Variants in FAM13A observed in about 807,000 individuals in gnomAD.
FAM13A encodes family with sequence similarity 13 member A, also known as protein FAM13A.
Under a neutral mutation model 129.6 loss-of-function variants are expected in FAM13A, and 76 were observed. The observed-to-expected ratio is 0.59, with a 90% CI of 0.49 to 0.71. The LOEUF is 0.71. Among genes scored for constraint, FAM13A ranks in the 30% least tolerant of loss-of-function variants. The pLI is 0.00. For missense variants in FAM13A, 1,108 were observed against 1,249.3 expected, an observed-to-expected ratio of 0.89 and a Z score of 1.70; for synonymous variants, 443 against 449.9, an observed-to-expected ratio of 0.98 and a Z score of 0.20.
chr4:89,006,436 T>C (rs1765017249), intron 3 of FAM13A, among the ~76,000 whole-genome samples: 1 of 152,218 alleles, frequency 6.6e-6, no homozygotes, highest in South Asian at 2.1e-4. Flanking sequence ...AAGAATTCCC[T>C]GCGCCCCACT....
At chr4:88,839,750 T>C (rs1735486015) in intron 7 of FAM13A, among the ~76,000 whole-genome samples, 1 of 152,200 alleles carries the variant, frequency 6.6e-6, no homozygotes, top group Admixed American at 6.5e-5. Flanking sequence ...ACAGAGCCCA[T>C]ACTCAGAAGG....
At chr4:88,743,671 G>A (rs1014044681) in intron 19 of FAM13A, among the ~76,000 whole-genome samples, 10 of 152,088 alleles carry the variant, frequency 6.6e-5, no homozygotes, top group African/African-American at 1.9e-4. Flanking sequence ...TCAATATAGC[G>A]CAGTCAATAT....
In FAM13A at chr4:88,750,573, C is replaced by T. The variant is rs374244188; in HGVS notation, c.1791G>A (p.Ser597=). ...ENSDSDEAHL[S]PQAGRLIRQL... is the part of the protein sequence containing the mutation. ...GACGGATCAGGCGCCCAGCCTGCGGCGAGAGGTGGGCTTCATCAGAGTCAC... is the reference window on the plus strand; with the variant it reads ...GACGGATCAGGCGCCCAGCCTGCGGTGAGAGGTGGGCTTCATCAGAGTCAC... Residue 597 remains serine (S), a synonymous_variant, in exon 15 of 24, where the codon TCG becomes TCA. Transcript: ENST00000264344. 7.2e-5 allele frequency: 116 copies of T among 1,613,954 alleles called. No individual in the cohort carries two copies. The highest frequency in any genetic ancestry group is 9.4e-5 in the Non-Finnish European group (111 of 1,180,028).
intron 13 of FAM13A, among the ~76,000 whole-genome samples, chr4:88,759,995 C>T (rs575284931): frequency 7.9e-5 from 12 of 152,224 alleles, no homozygotes; most frequent in South Asian, 4.1e-4. Context: ...GATGGGTACA[C>T]AAGATTTTCT....
intron 6 of FAM13A, among the ~76,000 whole-genome samples, chr4:88,872,926 T>G (rs1244505963): frequency 6.6e-6 from 1 of 152,068 alleles, no homozygotes; most frequent in Non-Finnish European, 1.5e-5. Context: ...TAACAGAAAT[T>G]ATAACAAACT....
chr4:88,729,518 G>C (rs562714677), intron 23 of FAM13A: 11 of 152,172 alleles, frequency 7.2e-5, no homozygotes, highest in Non-Finnish European at 1.5e-4. Flanking sequence ...AAAATAAACT[G>C]ATCTTATTCA....
intron 6 of FAM13A, among the ~76,000 whole-genome samples, chr4:88,886,907 C>A (rs1272540733): frequency 6.9e-5 from 10 of 145,192 alleles, no homozygotes; most frequent in East Asian, 4.0e-4. Flanking sequence ...AACTCTATCT[C>A]AAAAAAAAAA....
intron 4 of FAM13A, among the ~76,000 whole-genome samples, chr4:88,975,644 G>C (rs1760796246): frequency 6.6e-6 from 1 of 152,132 alleles, no homozygotes; most frequent in Non-Finnish European, 1.5e-5. Context: ...TGGAAAATGA[G>C]AAACAAAGAA....
chr4:88,982,710 T>C (rs1761791532), intron 4 of FAM13A, among the ~76,000 whole-genome samples: 1 of 152,222 alleles, frequency 6.6e-6, no homozygotes, highest in South Asian at 2.1e-4. Context: ...AGAGGACTTT[T>C]GCCTTAGAAA....
chr4:89,026,680 C>A (rs567602994), intron 2 of FAM13A, among the ~76,000 whole-genome samples: 2 of 152,310 alleles, frequency 1.3e-5, no homozygotes, highest in South Asian at 4.1e-4. Context: ...CTTGAGAACT[C>A]ATTCACTATC....
intron 3 of FAM13A, among the ~76,000 whole-genome samples, chr4:88,994,219 T>C (rs1337886789): frequency 6.6e-6 from 1 of 152,178 alleles, no homozygotes; most frequent in African/African-American, 2.4e-5. Context: ...ACATTTATAA[T>C]TTACTTCTTG....
At chr4:89,039,328 A>T (rs1769802249) in intron 1 of FAM13A, among the ~76,000 whole-genome samples, 1 of 152,216 alleles carries the variant, frequency 6.6e-6, no homozygotes, top group Non-Finnish European at 1.5e-5. Context: ...TTCCCCATTT[A>T]TTAAAGAAAA....
At position 88,728,450 on chromosome 4, in the gene FAM13A, A is replaced by G; in HGVS notation, c.*83T>C. 1.3e-6 allele frequency: 2 copies of G among 1,572,132 alleles called. No homozygotes were observed. Among genetic ancestry groups the G allele is most frequent in the East Asian group, 2.2e-5 (1 of 44,538 alleles). ...TGCATGCTTTGCAGGGCCAGCCCCAAGGCTGCCTTCCAGAGCTGCACTTTC... is the reference window on the plus strand; with the variant it reads ...TGCATGCTTTGCAGGGCCAGCCCCAGGGCTGCCTTCCAGAGCTGCACTTTC... On this transcript the variant is annotated 3_prime_UTR_variant, in exon 24 of 24. Transcript: ENST00000264344.
At chr4:88,945,990 G>GTGTGTGTGTATGTATATATATATA in intron 4 of FAM13A, among the ~76,000 whole-genome samples, 1 of 61,962 alleles carries the variant, frequency 1.6e-5, no homozygotes, top group Non-Finnish European at 2.9e-5. Flanking sequence ...GTGTGTGTGT[G>GTGTGTGTGTATGTATATATATATA]TATATATATA....
At chr4:88,898,841 C>A (rs1389861972) in intron 6 of FAM13A, among the ~76,000 whole-genome samples, 1 of 151,976 alleles carries the variant, frequency 6.6e-6, no homozygotes, top group Admixed American at 6.6e-5. Flanking sequence ...ACTAGTACAA[C>A]CACTATGGAA....
In FAM13A at chr4:88,992,896, A is replaced by G. The variant is rs1456685171; in HGVS notation, c.428-1746T>C. ...TAATTAATAAGCAGTTGTACTGCCT[A>G]CATAAGTCAGCTTTAGCCAGTTAAG... On this transcript the variant is annotated intron_variant, in intron 3 of 23. Coordinates refer to ENST00000264344, the MANE Select transcript of FAM13A (RefSeq NM_014883.4). 2.0e-5 allele frequency among the ~76,000 whole-genome samples: 3 copies of G among 148,964 alleles called. No homozygotes were observed. In the East Asian group the frequency reaches 5.9e-4, roughly 29 times the overall value.
chr4:88,853,156 A>T lies in FAM13A; in HGVS notation c.844-1973T>A, dbSNP rs544875706. On this transcript the variant is annotated intron_variant, in intron 6 of 23. Coordinates refer to ENST00000264344, the MANE Select transcript of FAM13A (RefSeq NM_014883.4). ...ATAAAATCAGGAAAGCAAGGAAAAA[A>T]TTTTTAAATATTATAAACGTACAAA... is the stretch of plus-strand genomic sequence containing the variant. Among the ~76,000 whole-genome samples, 778 of 152,240 alleles carry T rather than the reference A, an allele frequency of 5.1e-3. 11 individuals carry two copies. The highest frequency in any genetic ancestry group is 0.016 in the African/African-American group (677 of 41,560).
chr4:88,972,188 AC>A (rs2148953744), intron 4 of FAM13A, among the ~76,000 whole-genome samples: 1 of 152,136 alleles, frequency 6.6e-6, no homozygotes, highest in South Asian at 2.1e-4. Flanking sequence ...TTTCTGACTT[AC>A]ACCATTTTCC....
At chr4:88,741,561 G>A (rs950741165) in intron 19 of FAM13A, among the ~76,000 whole-genome samples, 1 of 152,162 alleles carries the variant, frequency 6.6e-6, no homozygotes, top group Non-Finnish European at 1.5e-5. Flanking sequence ...ATGGGTGCTG[G>A]TTACCTGGGT....
Sources: gnomAD v4.1 joint callset for allele counts (sites outside exome capture counted in the v4.1 genomes callset) on GRCh38, gnomAD v4.1.1 for gene constraint, MANE v1.5 for transcripts, NCBI Gene and HGNC (gene_info 2026-07-23, HGNC 2026-07-21) for gene names.